SEMA3D: variants seen among roughly 807,000 people sequenced by gnomAD.
SEMA3D encodes semaphorin 3D.
Under a neutral mutation model 100.1 loss-of-function variants are expected in SEMA3D, and 84 were observed. The observed-to-expected ratio is 0.84, with a 90% confidence interval of 0.70 to 1.01. The LOEUF (loss-of-function observed/expected upper bound fraction) is 1.01. SEMA3D is among the 50% of genes least tolerant of loss of function. The probability of loss-of-function intolerance (pLI) is 0.00; values close to 1 mark genes in which losing one functional copy is unlikely to be tolerated. For synonymous variants in SEMA3D, 312 were observed against 320.7 expected, an observed-to-expected ratio of 0.97 and a Z score of 0.29; for missense variants, 875 against 934.1, an observed-to-expected ratio of 0.94 and a Z score of 0.82.
intron 5 of SEMA3D, among the ~76,000 whole-genome samples, chr7:85,075,891 T>G (rs1211950913): frequency 6.6e-6 from 1 of 152,250 alleles, no homozygotes; most frequent in East Asian, 1.9e-4. Flanking sequence ...CATAACTTCA[T>G]TTTTTAAGTC....
chr7:85,131,676 A>G (rs2116435451), intron 2 of SEMA3D, among the ~76,000 whole-genome samples: 1 of 152,106 alleles, frequency 6.6e-6, no homozygotes, highest in East Asian at 1.9e-4. Flanking sequence ...ATACGAAGAT[A>G]TAGTACATTC....
the SEMA3D span, among the ~76,000 whole-genome samples, chr7:85,233,000 C>A: frequency 6.6e-6 from 1 of 152,084 alleles, no homozygotes; most frequent in East Asian, 1.9e-4. Context: ...TCACACAATC[C>A]TCTTTAAATC....
chr7:85,025,148 C>T (rs755879970), intron 12 of SEMA3D, among the ~76,000 whole-genome samples: 34 of 151,966 alleles, frequency 2.2e-4, no homozygotes, highest in Middle Eastern at 3.2e-3. Flanking sequence ...ACATACCATA[C>T]GGGGACATTT....
intron 3 of SEMA3D, among the ~76,000 whole-genome samples, chr7:85,115,410 C>G (rs1278451576): frequency 6.6e-6 from 1 of 152,132 alleles, no homozygotes; most frequent in Non-Finnish European, 1.5e-5. Flanking sequence ...CAATATGAAT[C>G]TTCAGTGAAT....
intron 3 of SEMA3D, among the ~76,000 whole-genome samples, chr7:85,119,743 C>T (rs1789353825): frequency 6.6e-6 from 1 of 152,142 alleles, no homozygotes; most frequent in Non-Finnish European, 1.5e-5. Context: ...CCTGGGCATG[C>T]ACCCTTGAAC....
intron 17 of SEMA3D, among the ~76,000 whole-genome samples, chr7:85,007,169 C>T (rs1472660586): frequency 6.6e-6 from 1 of 151,756 alleles, no homozygotes; most frequent in Non-Finnish European, 1.5e-5. Flanking sequence ...AATATATTAG[C>T]TATTTGCACT....
chr7:85,215,817 T>A, the SEMA3D span, among the ~76,000 whole-genome samples: 2 of 152,102 alleles, frequency 1.3e-5, no homozygotes, highest in Non-Finnish European at 2.9e-5. Context: ...CCATTTTACA[T>A]TTTTGCAAAT....
intron 15 of SEMA3D, among the ~76,000 whole-genome samples, chr7:85,015,752 C>G (rs1296609496): frequency 6.6e-6 from 1 of 151,762 alleles, no homozygotes; most frequent in Non-Finnish European, 1.5e-5. Flanking sequence ...AAGTATTAAA[C>G]AGGCTTGAGG....
intron 1 of SEMA3D, chr7:85,181,883 T>C (rs955038831): frequency 3.5e-6 from 1 of 281,962 alleles, no homozygotes; most frequent in African/African-American, 2.3e-5. Context: ...GGATTGAAAA[T>C]CATCAAAATT....
At chr7:85,154,352 T>G (rs1236168445) in intron 1 of SEMA3D, among the ~76,000 whole-genome samples, 1 of 152,072 alleles carries the variant, frequency 6.6e-6, no homozygotes, top group Non-Finnish European at 1.5e-5. Context: ...AATCTTATTT[T>G]ATTTTTTAGA....
At chr7:85,219,138 T>C in the SEMA3D span, among the ~76,000 whole-genome samples, 1 of 152,098 alleles carries the variant, frequency 6.6e-6, no homozygotes, top group Admixed American at 6.6e-5. Flanking sequence ...ATCCTCTGTA[T>C]GCCCAGGCTT....
intron 1 of SEMA3D, among the ~76,000 whole-genome samples, chr7:85,166,097 G>T (rs993971713): frequency 7.2e-5 from 11 of 151,938 alleles, no homozygotes; most frequent in Admixed American, 5.3e-4. Flanking sequence ...AATCTAATTT[G>T]CTTGGAATGA....
At chr7:85,231,436 C>T in the SEMA3D span, among the ~76,000 whole-genome samples, 441 of 117,854 alleles carry the variant, frequency 3.7e-3, 5 homozygotes, top group Non-Finnish European at 4.9e-3. Context: ...CAATCTTTCC[C>T]TTTTTTTTTT....
At chr7:85,024,284 TA>T (rs1020681501) in intron 12 of SEMA3D, among the ~76,000 whole-genome samples, 2 of 151,964 alleles carry the variant, frequency 1.3e-5, no homozygotes, top group African/African-American at 4.8e-5. Context: ...GGTGTATCAT[TA>T]AAATCAAACC....
intron 2 of SEMA3D, among the ~76,000 whole-genome samples, chr7:85,131,206 A>G (rs766349339): frequency 2.1e-4 from 32 of 152,264 alleles, no homozygotes; most frequent in Non-Finnish European, 3.5e-4. Flanking sequence ...CCTGTAAAGC[A>G]GAGTTTTCAG....
chr7:85,089,060 T>C (rs1788303344), intron 4 of SEMA3D, among the ~76,000 whole-genome samples: 1 of 152,160 alleles, frequency 6.6e-6, no homozygotes, highest in Non-Finnish European at 1.5e-5. Context: ...TTAAATGCAG[T>C]GCAATCAGAA....
At chr7:85,030,240 A>G (rs1053775775) in intron 12 of SEMA3D, among the ~76,000 whole-genome samples, 1 of 151,928 alleles carries the variant, frequency 6.6e-6, no homozygotes, top group Non-Finnish European at 1.5e-5. Context: ...AAAAGTAAAA[A>G]GAACAGGCTT....
chr7:85,052,902 T>C (rs1213174576), intron 9 of SEMA3D, among the ~76,000 whole-genome samples: 1 of 151,954 alleles, frequency 6.6e-6, no homozygotes, highest in Non-Finnish European at 1.5e-5. Flanking sequence ...CTTTACCCAT[T>C]TTTATATAAT....
At position 85,058,034 on chromosome 7, in the gene SEMA3D, A is replaced by G. The variant is rs561750916; in HGVS notation, c.719-2175T>C. On this transcript the variant is annotated intron_variant, in intron 8 of 18. Transcript: ENST00000284136. The stretch of plus-strand genomic sequence containing the variant: ...TGGGTTGGCCCTGTGTCTCCCATCC[A>G]ATCTCTTCTTTGCTTTAATGCAAAG... Among the ~76,000 whole-genome samples, 10 of 152,318 alleles carry G rather than the reference A, an allele frequency of 6.6e-5. No homozygotes were observed. In the South Asian group the frequency reaches 2.1e-3, roughly 32 times the overall value.
Sources: gnomAD v4.1 joint callset for allele counts (sites outside exome capture counted in the v4.1 genomes callset) on GRCh38, gnomAD v4.1.1 for gene constraint, MANE v1.5 for transcripts, NCBI Gene and HGNC (gene_info 2026-07-23, HGNC 2026-07-21) for gene names.